VPS8: variants seen among roughly 807,000 people sequenced by gnomAD.
The protein encoded by VPS8 is vacuolar protein sorting-associated protein 8 homolog.
In VPS8, 129 loss-of-function variants were observed where a neutral mutation model predicts 216.4. The observed-to-expected ratio is 0.60, with a 90% CI of 0.52 to 0.69. The LOEUF (loss-of-function observed/expected upper bound fraction) is 0.69, where lower values mean the gene tolerates loss of function less well. Ranked by LOEUF, VPS8 falls within the 30% of genes least tolerant of loss-of-function variation. The pLI, the probability that VPS8 is intolerant of heterozygous loss-of-function variation, is 0.00. For synonymous variants in VPS8, 571 were observed against 565.4 expected, an observed-to-expected ratio of 1.01 and a Z score of -0.14; for missense variants, 1,531 against 1,683.5, an observed-to-expected ratio of 0.91 and a Z score of 1.59.
intron 45 of VPS8, among the ~76,000 whole-genome samples, chr3:185,014,542 C>T (rs950851889): frequency 6.6e-6 from 1 of 152,226 alleles, no homozygotes; most frequent in Non-Finnish European, 1.5e-5. Context: ...GATCTCTCCA[C>T]CAAACCAGTT....
At chr3:184,901,058 G>T (rs1734396712) in intron 25 of VPS8, 86 bp downstream of exon 25, 1 of 1,159,236 alleles carries the variant, frequency 8.6e-7, no homozygotes, top group Non-Finnish European at 1.3e-6. Context: ...TTATATGTGT[G>T]CAGTGTGAAT....
At chr3:184,878,027 A>G (rs1729584263) in intron 21 of VPS8, among the ~76,000 whole-genome samples, 1 of 152,174 alleles carries the variant, frequency 6.6e-6, no homozygotes, top group Non-Finnish European at 1.5e-5. Flanking sequence ...TTTTTGAAAC[A>G]ACGTAGAGGT....
At chr3:184,825,273 C>T (rs1560270621) in intron 2 of VPS8, among the ~76,000 whole-genome samples, 1 of 152,218 alleles carries the variant, frequency 6.6e-6, no homozygotes, top group African/African-American at 2.4e-5. Flanking sequence ...TCACAACACT[C>T]TGATAATCCA....
chr3:184,934,721 A>G (rs1741293148), intron 34 of VPS8, among the ~76,000 whole-genome samples: 1 of 152,166 alleles, frequency 6.6e-6, no homozygotes, highest in African/African-American at 2.4e-5. Flanking sequence ...AGATAAGTGC[A>G]GCTTGATCCT....
Position 184,849,951 on chromosome 3 carries a change from T to C in VPS8, c.682T>C (p.Leu228=), listed in dbSNP as rs375952010. The change falls in exon 10 of 48, where the codon TTG becomes CTG. Residue 228 remains leucine (L), a synonymous_variant. Transcript: ENST00000625842. ...TGTCTTATAGATCACCATGTGGGAT[T>C]TGGCCAGTGGAAAACTTCTAAGATC... ...FAKGQITMWD[L]ASGKLLRSIT... The C allele has an allele frequency of 3.7e-6, 6 of 1,612,958 alleles. No individual in the cohort carries two copies. The African/African-American group carries it at 8.0e-5, about 22-fold the overall frequency.
intron 45 of VPS8, among the ~76,000 whole-genome samples, chr3:185,012,278 A>C (rs1755124517): frequency 6.8e-6 from 1 of 147,842 alleles, no homozygotes. Flanking sequence ...TAATGTACAT[A>C]TATCTATAAT....
chr3:184,826,329 C>T (rs1718771442), intron 3 of VPS8, 98 bp downstream of exon 3: 1 of 806,776 alleles, frequency 1.2e-6, no homozygotes, highest in Non-Finnish European at 1.9e-6. Flanking sequence ...GCGCACTTTC[C>T]AGTAGGGTAG....
At chr3:184,961,946 G>A (rs763497708) in intron 37 of VPS8, among the ~76,000 whole-genome samples, 31 of 152,048 alleles carry the variant, frequency 2.0e-4, no homozygotes, top group Admixed American at 1.0e-3. Context: ...ATTTTTAGTA[G>A]AGATGGGGTT....
At position 185,052,435 on chromosome 3, in the gene VPS8, A is replaced by G. The variant is rs143891374; in HGVS notation, c.*410A>G. ...CTGCTGGATAATACAGAGGAACTTC[A>G]ACTTCTACAGGGAACAGTGGTTGGC... On this transcript the variant is annotated 3_prime_UTR_variant, in exon 48 of 48. Transcript: ENST00000625842. The G allele has an allele frequency of 4.5e-3, 741 of 165,228 alleles. 3 individuals carry two copies. Among genetic ancestry groups the G allele is most frequent in the South Asian group, 8.3e-3 (51 of 6,158 alleles). The allele number at this position is 165,228 out of a possible 1,614,324, so 10.2% of individuals were successfully genotyped here. A position where few individuals can be genotyped will look rare whatever the true frequency, so the allele number is the denominator to read the frequency against.
At chr3:184,815,259 GT>G (rs771216020) in intron 1 of VPS8, among the ~76,000 whole-genome samples, 8 of 152,156 alleles carry the variant, frequency 5.3e-5, no homozygotes, top group Admixed American at 2.0e-4. Context: ...CTGGCACATA[GT>G]TTATTATCAA....
intron 16 of VPS8, among the ~76,000 whole-genome samples, chr3:184,866,308 GT>G (rs1727352908): frequency 6.6e-6 from 1 of 152,174 alleles, no homozygotes; most frequent in African/African-American, 2.4e-5. Context: ...AGCACATTTT[GT>G]TTAATTCTAT....
intron 40 of VPS8, among the ~76,000 whole-genome samples, chr3:184,976,149 G>T (rs1749231481): frequency 6.6e-6 from 1 of 152,082 alleles, no homozygotes; most frequent in African/African-American, 2.4e-5. Flanking sequence ...TGCCAATAAT[G>T]AAATTCCCAT....
At chr3:184,875,626 C>T (rs17820136) in intron 21 of VPS8, among the ~76,000 whole-genome samples, 2,013 of 152,012 alleles carry the variant, frequency 0.013, 22 homozygotes, top group Middle Eastern at 0.034. Flanking sequence ...TTTTGTTTGC[C>T]TCACGCCGTC....
rs114836848 is a variant in VPS8 at position 184,825,067 on chromosome 3, G to A, written c.153+282G>A. 1,887 of 335,558 alleles carry A rather than the reference G, an allele frequency of 5.6e-3. 42 individuals carry two copies. The highest frequency in any genetic ancestry group is 0.037 in the African/African-American group (1,750 of 47,524). 20.8% of individuals were successfully genotyped at this position (335,558 alleles called of 1,614,324 possible). ...ACCACAGGTGTGTGTCACCACGCCCGCCTAATTTTTAATTTTTTTGTAGAG... is the reference window on the plus strand; with the variant it reads ...ACCACAGGTGTGTGTCACCACGCCCACCTAATTTTTAATTTTTTTGTAGAG... On this transcript the variant is annotated intron_variant, in intron 2 of 47. Coordinates refer to ENST00000625842, the MANE Select transcript of VPS8 (RefSeq NM_001009921.3).
intron 8 of VPS8, among the ~76,000 whole-genome samples, chr3:184,845,205 C>T (rs528085338): frequency 1.9e-4 from 29 of 152,270 alleles, no homozygotes; most frequent in African/African-American, 7.0e-4. Flanking sequence ...CTCTCATTTT[C>T]ACCTTCTGTC....
At chr3:184,980,283 G>C (rs1230233306) in intron 40 of VPS8, among the ~76,000 whole-genome samples, 1 of 151,750 alleles carries the variant, frequency 6.6e-6, no homozygotes, top group African/African-American at 2.4e-5. Context: ...TGGTCATCTT[G>C]TATAATATCT....
chr3:184,849,124 T>G lies in VPS8; in HGVS notation c.595T>G (p.Tyr199Asp), dbSNP rs780747091. ...CLGSTSVGGQ[Y>D]GAISALSINN... ...GGGTAGCACTAGTGTTGGAGGTCAG[T>G]ATGGCGCTATCTCTGCCCTCAGTAT... The change falls in exon 9 of 48, where the codon TAT (tyrosine) becomes GAT (aspartate). Residue 199 changes from tyrosine to aspartate, a missense_variant. Coordinates refer to ENST00000625842, the MANE Select transcript of VPS8 (RefSeq NM_001009921.3). 6.2e-7 allele frequency: 1 copy of G among 1,613,618 alleles called. No homozygotes were observed. The highest frequency in any genetic ancestry group is 8.5e-7 in the Non-Finnish European group (1 of 1,179,622).
chr3:184,897,530 TG>T (rs1010353448), intron 23 of VPS8, among the ~76,000 whole-genome samples: 1 of 152,112 alleles, frequency 6.6e-6, no homozygotes, highest in African/African-American at 2.4e-5. Context: ...ATTAAGTAGT[TG>T]GATATATGTA....
chr3:184,949,313 T>A (rs1362928581), intron 36 of VPS8, among the ~76,000 whole-genome samples: 1 of 151,992 alleles, frequency 6.6e-6, no homozygotes, highest in African/African-American at 2.4e-5. Context: ...AAAAAAGATT[T>A]GAAAAGTTAG....
Sources: allele counts gnomAD v4.1 joint callset (sites outside exome capture counted in the v4.1 genomes callset), GRCh38; gene constraint gnomAD v4.1.1; transcripts MANE v1.5; gene names NCBI Gene and HGNC (gene_info 2026-07-23, HGNC 2026-07-21).